KCNQ5: variants seen among roughly 807,000 people sequenced by gnomAD.
KCNQ5 encodes the protein potassium voltage-gated channel subfamily Q member 5.
KCNQ5 carries 30 observed loss-of-function variants against 98.2 expected under a neutral mutation model. The observed-to-expected ratio is 0.31, with a 90% CI of 0.23 to 0.41. The LOEUF (loss-of-function observed/expected upper bound fraction) is 0.41, where lower values mean the gene tolerates loss of function less well. Ranked by LOEUF, KCNQ5 falls within the 10% of genes least tolerant of loss-of-function variation. The pLI, the probability that KCNQ5 is intolerant of heterozygous loss-of-function variation, is 1.00. For synonymous variants in KCNQ5, 458 were observed against 449.4 expected, an observed-to-expected ratio of 1.02 and a Z score of -0.24; for missense variants, 835 against 1,182.5, an observed-to-expected ratio of 0.71 and a Z score of 4.31.
chr6:72,803,231 G>A (rs536395219), intron 1 of KCNQ5, among the ~76,000 whole-genome samples: 12 of 152,254 alleles, frequency 7.9e-5, no homozygotes, highest in South Asian at 2.1e-4. Flanking sequence ...GCAATGCCAC[G>A]TACACGTTCA....
At chr6:73,050,312 G>A (rs4706524) in intron 3 of KCNQ5, among the ~76,000 whole-genome samples, 9,801 of 65,472 alleles carry the variant, frequency 0.15, 759 homozygotes, top group Non-Finnish European at 0.18. Context: ...GGAAGGAAGG[G>A]AGGGAAGAAG....
chr6:72,833,068 A>G (rs756446146), intron 1 of KCNQ5, among the ~76,000 whole-genome samples: 12 of 152,182 alleles, frequency 7.9e-5, no homozygotes, highest in Non-Finnish European at 1.5e-4. Context: ...TATTTTTGCA[A>G]CATTCCTTAA....
At chr6:72,911,427 A>G (rs1384283427) in intron 1 of KCNQ5, among the ~76,000 whole-genome samples, 2 of 152,128 alleles carry the variant, frequency 1.3e-5, no homozygotes, top group African/African-American at 2.4e-5. Context: ...GAACCCCACC[A>G]TTCTGACACC....
At chr6:72,850,909 T>C (rs1433875557) in intron 1 of KCNQ5, among the ~76,000 whole-genome samples, 3 of 151,860 alleles carry the variant, frequency 2.0e-5, no homozygotes, top group Non-Finnish European at 4.4e-5. Flanking sequence ...GATGATTCAT[T>C]ATACATTTAT....
At chr6:72,764,484 G>A (rs1772462025) in intron 1 of KCNQ5, among the ~76,000 whole-genome samples, 1 of 151,716 alleles carries the variant, frequency 6.6e-6, no homozygotes, top group Non-Finnish European at 1.5e-5. Context: ...AATTTTTGTG[G>A]GTAAGTAGTA....
chr6:72,804,707 G>A (rs1225637491), intron 1 of KCNQ5, among the ~76,000 whole-genome samples: 2 of 152,064 alleles, frequency 1.3e-5, no homozygotes, highest in Non-Finnish European at 2.9e-5. Context: ...TCATATGGTA[G>A]CTCTATTTGT....
intron 1 of KCNQ5, among the ~76,000 whole-genome samples, chr6:72,816,588 T>C (rs1775519188): frequency 6.6e-6 from 1 of 152,152 alleles, no homozygotes; most frequent in Non-Finnish European, 1.5e-5. Flanking sequence ...GGATCAAGGA[T>C]GTAATTGACA....
At chr6:72,961,123 G>A (rs1767323528) in intron 1 of KCNQ5, among the ~76,000 whole-genome samples, 1 of 152,126 alleles carries the variant, frequency 6.6e-6, no homozygotes, top group African/African-American at 2.4e-5. Context: ...TATTCTAAAT[G>A]GTTAATAATT....
chr6:72,862,913 C>T (rs2150154519), intron 1 of KCNQ5, among the ~76,000 whole-genome samples: 1 of 152,282 alleles, frequency 6.6e-6, no homozygotes, highest in East Asian at 1.9e-4. Context: ...TAGGTACAAA[C>T]CACTGCACCG....
chr6:73,171,813 G>C (rs1778027661), intron 11 of KCNQ5, among the ~76,000 whole-genome samples: 1 of 152,176 alleles, frequency 6.6e-6, no homozygotes, highest in Admixed American at 6.5e-5. Flanking sequence ...GAATTAATCT[G>C]ACTTGCAACA....
At chr6:73,075,115 A>G (rs1385965798) in intron 3 of KCNQ5, among the ~76,000 whole-genome samples, 2 of 152,234 alleles carry the variant, frequency 1.3e-5, no homozygotes, top group Non-Finnish European at 2.9e-5. Flanking sequence ...ATAAACTTCC[A>G]ACATACAGAA....
At chr6:72,800,825 A>G (rs1165248853) in intron 1 of KCNQ5, among the ~76,000 whole-genome samples, 5 of 152,026 alleles carry the variant, frequency 3.3e-5, no homozygotes, top group South Asian at 2.1e-4. Flanking sequence ...GGTATGTTGT[A>G]TCTTTGTTCT....
chr6:73,113,298 C>T (rs905819781), intron 7 of KCNQ5, among the ~76,000 whole-genome samples: 3 of 152,212 alleles, frequency 2.0e-5, no homozygotes, highest in African/African-American at 7.2e-5. Context: ...TTCCTTTCAT[C>T]CGTCTGAGCA....
intron 3 of KCNQ5, among the ~76,000 whole-genome samples, chr6:73,059,899 T>A (rs4708019): frequency 0.97 from 147,798 of 152,232 alleles, 71,882 homozygotes; most frequent in Middle Eastern, 1. Flanking sequence ...AAGGACCATT[T>A]TTTAAATCTA....
At chr6:72,896,566 T>C (rs936321290) in intron 1 of KCNQ5, among the ~76,000 whole-genome samples, 1 of 152,216 alleles carries the variant, frequency 6.6e-6, no homozygotes, top group African/African-American at 2.4e-5. Context: ...GGAAATTTTA[T>C]ATTTCTAACA....
intron 1 of KCNQ5, among the ~76,000 whole-genome samples, chr6:72,752,564 A>G (rs149912960): frequency 3.1e-4 from 47 of 152,268 alleles, no homozygotes; most frequent in African/African-American, 9.1e-4. Flanking sequence ...TGAGCAATCA[A>G]TCATCTTCAA....
rs141280795 is a variant in KCNQ5 at position 72,850,293 on chromosome 6, T to G, written c.399-153615T>G. Among the ~76,000 whole-genome samples the G allele has an allele frequency of 4.6e-5, 7 of 152,272 alleles. No individual in the cohort carries two copies. In the East Asian group the frequency reaches 1.3e-3, roughly 29 times the overall value. On this transcript the variant is annotated intron_variant, in intron 1 of 13. Coordinates refer to ENST00000370398, the MANE Select transcript of KCNQ5 (RefSeq NM_019842.4). ...GGACTTGAGTTTGAATCTAAAGTAG[T>G]TTACTTATCTGAGATGGCTTGCACA...
chr6:72,972,369 T>TG (rs397719144), intron 1 of KCNQ5, among the ~76,000 whole-genome samples: 2 of 151,746 alleles, frequency 1.3e-5, no homozygotes, highest in Non-Finnish European at 2.9e-5. Flanking sequence ...TCTTTTTTTT[T>TG]CTTTATTTCT....
intron 2 of KCNQ5, among the ~76,000 whole-genome samples, chr6:73,008,874 A>G (rs961680784): frequency 4.6e-5 from 7 of 152,236 alleles, no homozygotes; most frequent in Non-Finnish European, 8.8e-5. Flanking sequence ...TAAAAGATGG[A>G]TACCACACAA....
Sources: gnomAD v4.1 joint callset for allele counts (sites outside exome capture counted in the v4.1 genomes callset) on GRCh38, gnomAD v4.1.1 for gene constraint, MANE v1.5 for transcripts, NCBI Gene and HGNC (gene_info 2026-07-23, HGNC 2026-07-21) for gene names.